Variants in LYN observed in about 807,000 individuals in gnomAD.
LYN encodes tyrosine-protein kinase Lyn.
Under a neutral mutation model 65.0 loss-of-function variants are expected in LYN, and 12 were observed. The ratio of observed to expected loss-of-function variants is 0.18; its 90% confidence interval spans 0.12 to 0.30. The LOEUF is 0.30. LYN is among the 10% of genes least tolerant of loss of function. The probability of loss-of-function intolerance (pLI) is 1.00; values close to 1 mark genes in which losing one functional copy is unlikely to be tolerated. For synonymous variants in LYN, 222 were observed against 221.2 expected (o/e 1.00, Z -0.03); for missense variants, 380 against 623.2 (o/e 0.61, Z 4.16).
intron 8 of LYN, among the ~76,000 whole-genome samples, chr8:55,965,406 G>T (rs1585646714): frequency 1.3e-5 from 2 of 152,122 alleles, no homozygotes; most frequent in East Asian, 3.8e-4. Context: ...TCCTTTTAGT[G>T]GGGGATCCTT....
At chr8:55,997,914 C>G (rs1808419846) in intron 10 of LYN, among the ~76,000 whole-genome samples, 1 of 151,940 alleles carries the variant, frequency 6.6e-6, no homozygotes, top group Admixed American at 6.6e-5. Context: ...GAAACCCCGT[C>G]TCTACTAAAA....
At chr8:55,974,646 A>G (rs1414990772) in intron 10 of LYN, among the ~76,000 whole-genome samples, 3 of 152,084 alleles carry the variant, frequency 2.0e-5, no homozygotes, top group Non-Finnish European at 2.9e-5. Flanking sequence ...AGTTCTTGGG[A>G]AGTTTCTAGA....
chr8:55,940,943 T>C (rs1276518730), intron 1 of LYN, among the ~76,000 whole-genome samples: 2 of 152,172 alleles, frequency 1.3e-5, no homozygotes, highest in Non-Finnish European at 2.9e-5. Flanking sequence ...TGCTTTTACC[T>C]GCGCTAGTAC....
In LYN at chr8:56,010,104, G is replaced by A. The variant is rs768561923; in HGVS notation, c.1533G>A (p.Gln511=). The change falls in exon 13 of 13, where the codon CAG becomes CAA. Residue 511 remains glutamine (Q), a synonymous_variant. Coordinates refer to ENST00000519728, the MANE Select transcript of LYN (RefSeq NM_002350.4). ...CCACGGAAGGGCAATACCAGCAGCA[G>A]CCTTAGAGCACAGGGAGACCCGTCC... ...YTATEGQYQQ[Q]P is the part of the protein sequence containing the mutation. 1.2e-6 allele frequency: 2 copies of A among 1,614,166 alleles called. No individual in the cohort carries two copies. The highest frequency in any genetic ancestry group is 1.1e-5 in the South Asian group (1 of 91,080).
At chr8:55,985,112 C>T (rs1000940062) in intron 10 of LYN, among the ~76,000 whole-genome samples, 3 of 152,172 alleles carry the variant, frequency 2.0e-5, no homozygotes, top group African/African-American at 4.8e-5. Context: ...TTCTAGGTCA[C>T]GCATCTTGCA....
chr8:55,919,046 A>AAAAAAAAAAAAAT, intron 1 of LYN, among the ~76,000 whole-genome samples: 1 of 149,922 alleles, frequency 6.7e-6, no homozygotes. Flanking sequence ...AAAAAAAAAA[A>AAAAAAAAAAAAAT]GTGATAGTAG....
At position 55,918,068 on chromosome 8, in the gene LYN, C is replaced by T. The variant is rs138430273; in HGVS notation, c.-5-23787C>T. 1.1e-3 allele frequency among the ~76,000 whole-genome samples: 162 copies of T among 152,324 alleles called. No individual in the cohort carries two copies. The Middle Eastern group carries it at 0.014, about 13-fold the overall frequency. ...TAAGCAAGGCTGCACTGAGAAGGAA[C>T]CAGGGTGGTCTGGGCTGTGGTAGCG... On this transcript the variant is annotated intron_variant, in intron 1 of 12. Coordinates refer to ENST00000519728, the MANE Select transcript of LYN (RefSeq NM_002350.4).
At chr8:56,006,419 G>A (rs1042584577) in intron 12 of LYN, among the ~76,000 whole-genome samples, 1 of 152,176 alleles carries the variant, frequency 6.6e-6, no homozygotes, top group Non-Finnish European at 1.5e-5. Context: ...AAAGGGCCCT[G>A]TGTGACTGAA....
chr8:55,915,430 G>A (rs1397528448), intron 1 of LYN, among the ~76,000 whole-genome samples: 1 of 152,110 alleles, frequency 6.6e-6, no homozygotes, highest in Non-Finnish European at 1.5e-5. Context: ...TTGTGATCTT[G>A]GGCCTGGCTC....
intron 1 of LYN, among the ~76,000 whole-genome samples, chr8:55,923,714 A>AT (rs775927161): frequency 9.1e-4 from 138 of 151,976 alleles, no homozygotes; most frequent in Non-Finnish European, 1.4e-3. Flanking sequence ...TGATTTTTGT[A>AT]TTTTTAGTAG....
chr8:55,911,411 C>T lies in LYN; in HGVS notation c.-5-30444C>T, dbSNP rs147326316. Among the ~76,000 whole-genome samples, 206 of 147,030 alleles carry T rather than the reference C, an allele frequency of 1.4e-3. 4 individuals are homozygous for T. In the East Asian group the frequency reaches 0.032, roughly 23 times the overall value. On this transcript the variant is annotated intron_variant, in intron 1 of 12. Coordinates refer to ENST00000519728, the MANE Select transcript of LYN (RefSeq NM_002350.4). Reference sequence around the variant, plus strand: ...TGTTGGGATTACGGGCGTGAGCCACCGCACCCAACCGGTTTTTTACTAAAT... The same window carrying T: ...TGTTGGGATTACGGGCGTGAGCCACTGCACCCAACCGGTTTTTTACTAAAT...
intron 9 of LYN, among the ~76,000 whole-genome samples, chr8:55,968,831 T>C (rs1480339877): frequency 6.6e-6 from 1 of 152,208 alleles, no homozygotes; most frequent in Admixed American, 6.5e-5. Flanking sequence ...GTAAACAACT[T>C]GACCAAGGCT....
intron 7 of LYN, among the ~76,000 whole-genome samples, chr8:55,952,893 C>A (rs1263207907): frequency 6.6e-6 from 1 of 152,166 alleles, no homozygotes; most frequent in Non-Finnish European, 1.5e-5. Flanking sequence ...TCTCCAGTGC[C>A]ACTTTGCAGT....
intron 1 of LYN, among the ~76,000 whole-genome samples, chr8:55,911,128 C>T (rs1276371814): frequency 1.7e-4 from 1 of 5,972 alleles, no homozygotes; most frequent in Non-Finnish European, 3.7e-4. Flanking sequence ...TATATATATA[C>T]ACATACATAT....
intron 1 of LYN, among the ~76,000 whole-genome samples, chr8:55,925,667 A>T (rs892550613): frequency 1.3e-5 from 2 of 152,146 alleles, no homozygotes; most frequent in Admixed American, 1.3e-4. Flanking sequence ...GCCGCCCGTG[A>T]CACCAAGGCA....
Position 55,904,185 on chromosome 8 carries a change from T to C in LYN, c.-6+24082T>C, listed in dbSNP as rs62516894. On this transcript the variant is annotated intron_variant, in intron 1 of 12. Transcript: ENST00000519728. ...ATAGATAAATCTGAAATAAGTACGA[T>C]GAACAATTTTTTAAATAAAATATAC... Among the ~76,000 whole-genome samples, 267 of 152,222 alleles carry C rather than the reference T, an allele frequency of 1.8e-3. 1 individual carries two copies. Among genetic ancestry groups the C allele is most frequent in the Non-Finnish European group, 2.4e-3 (162 of 68,008 alleles).
At chr8:55,978,740 G>C (rs1000643466) in intron 10 of LYN, among the ~76,000 whole-genome samples, 7 of 152,174 alleles carry the variant, frequency 4.6e-5, no homozygotes, top group Non-Finnish European at 8.8e-5. Flanking sequence ...GTTCTGACAC[G>C]CAGTCAGAGA....
chr8:55,902,266 C>T, intron 1 of LYN, among the ~76,000 whole-genome samples: 1 of 151,922 alleles, frequency 6.6e-6, no homozygotes, highest in East Asian at 1.9e-4. Context: ...TTTTTGCCTC[C>T]CAAAGTGCTG....
At chr8:55,977,176 A>G (rs1807780611) in intron 10 of LYN, among the ~76,000 whole-genome samples, 1 of 151,288 alleles carries the variant, frequency 6.6e-6, no homozygotes, top group African/African-American at 2.4e-5. Flanking sequence ...CAAGAGCAAG[A>G]CTCTGTCTCA....
Sources: gnomAD v4.1 joint callset for allele counts (sites outside exome capture counted in the v4.1 genomes callset) on GRCh38, gnomAD v4.1.1 for gene constraint, MANE v1.5 for transcripts, NCBI Gene and HGNC (gene_info 2026-07-23, HGNC 2026-07-21) for gene names.